The following KMT2D variants were observed in gnomAD, a reference collection of about 807,000 sequenced individuals.
KMT2D encodes the protein lysine methyltransferase 2D, also known as histone-lysine N-methyltransferase 2D.
A neutral mutation model predicts 512.7 loss-of-function variants in KMT2D; 55 were observed. That is an observed-to-expected ratio of 0.11 (90% confidence interval 0.09 to 0.13). KMT2D has a LOEUF of 0.13. Among genes scored for constraint, KMT2D ranks in the 10% least tolerant of loss-of-function variants. The pLI is 1.00. For synonymous variants in KMT2D, 2,995 were observed against 2,904.0 expected, an observed-to-expected ratio of 1.03 and a Z score of -1.01; for missense variants, 6,061 against 7,127.9, an observed-to-expected ratio of 0.85 and a Z score of 5.39.
rs2120681249 is a variant in KMT2D, at chr12:49,052,108, C to T, written c.1575G>A (p.Glu525=). Residue 525 remains glutamate (E), a synonymous_variant, in exon 11 of 55, where the codon GAG becomes GAA. Coordinates refer to ENST00000301067, the MANE Select transcript of KMT2D (RefSeq NM_003482.4). ...TCTCAAGTGCAGGAGATGGGGGTGACTCTTCCGGTGGAGACAAGGGCGACT... is the reference window on the plus strand; with the variant it reads ...TCTCAAGTGCAGGAGATGGGGGTGATTCTTCCGGTGGAGACAAGGGCGACT... ...LEESPLSPPE[E]SPPSPALETP... is the part of the protein sequence containing the mutation. 2.5e-6 allele frequency: 4 copies of T among 1,612,554 alleles called. No individual in the cohort carries two copies. The highest frequency in any genetic ancestry group is 1.1e-5 in the South Asian group (1 of 91,016).
chr12:49,052,829 C>G, intron 9 of KMT2D, 86 bp downstream of exon 9: 5 of 1,592,048 alleles, frequency 3.1e-6, no homozygotes, highest in Non-Finnish European at 8.6e-7. Flanking sequence ...GCTCTCCTCT[C>G]AAAGTCCACT....
chr12:49,049,647 C>T (rs1328891305), intron 12 of KMT2D, 35 bp downstream of exon 12: 3 of 1,539,140 alleles, frequency 1.9e-6, no homozygotes, highest in Middle Eastern at 2.0e-4. Context: ...AGTGGGCTAA[C>T]TCTAATCACA....
At chr12:49,025,058 A>T in intron 49 of KMT2D, 112 bp from the exon 50 acceptor site, 1 of 1,239,470 alleles carries the variant, frequency 8.1e-7, no homozygotes, top group Non-Finnish European at 1.1e-6. Context: ...CCTCCCTATC[A>T]TGAAGTTGTG....
At position 49,020,470 on chromosome 12, in the gene KMT2D, T is replaced by C. The variant is rs1942263535; in HGVS notation, c.*1310A>G. The C allele has an allele frequency of 1.0e-5, 2 of 194,574 alleles. No individual in the cohort carries two copies. The highest frequency in any genetic ancestry group is 1.6e-4 in the East Asian group (2 of 12,766). The allele number at this position is 194,574 out of a possible 1,614,324, so 12.1% of individuals were successfully genotyped here. A position where few individuals can be genotyped will look rare whatever the true frequency, so the allele number is the denominator to read the frequency against. On this transcript the variant is annotated 3_prime_UTR_variant, in exon 55 of 55. Coordinates refer to ENST00000301067, the MANE Select transcript of KMT2D (RefSeq NM_003482.4). ...GCACAAAAATTAGTAGTTTTACATT[T>C]GCTCTCCCCGGGGGGTGGGGGGAGA... is the stretch of plus-strand genomic sequence containing the variant.
In KMT2D at chr12:49,043,922, C is replaced by A. The variant is rs866369324; in HGVS notation, c.5265G>T (p.Gln1755His). 2 of 1,613,976 alleles carry A rather than the reference C, an allele frequency of 1.2e-6. No individual in the cohort carries two copies. Among genetic ancestry groups the A allele is most frequent in the African/African-American group, 2.7e-5 (2 of 74,952 alleles). The change falls in exon 23 of 55, where the codon CAG becomes CAT. Residue 1755 changes from glutamine to histidine, a missense_variant. Around this residue, in one of 16 missense-constraint regions of KMT2D, gnomAD observed 640 missense variants for 814.3 expected, o/e 0.79. Transcript: ENST00000301067. ...GTTTGCTCTTCTTGCGCCCTCGCCG[C>A]TGTTGCTTCTTCTTCTCATCCCCTT... ...LAEGDEKKKQ[Q>H]RRGRKKSKLE...
chr12:49,040,448 G>C lies in KMT2D; in HGVS notation c.7322C>G (p.Thr2441Ser), dbSNP rs1279112810. 5 of 1,562,314 alleles carry C rather than the reference G, an allele frequency of 3.2e-6. No individual in the cohort carries two copies. The South Asian group carries it at 3.6e-5, about 11-fold the overall frequency. ...SAEAFCPSPV[T>S]PRFQSPDPYS... ...AGGGTCAGGGGACTGGAAGCGAGGG[G>C]TAACGGGTGATGGGCAAAAAGCTTC... Residue 2441 changes from threonine to serine, a missense_variant, in exon 32 of 55, where the codon ACC becomes AGC. By Grantham distance (58) the Thr-to-Ser change is moderately conservative (BLOSUM62 1). This residue lies in a region of KMT2D where 710 missense variants were observed against 647.3 expected (regional missense o/e 1.10). Coordinates refer to ENST00000301067, the MANE Select transcript of KMT2D (RefSeq NM_003482.4).
At position 49,041,243 on chromosome 12, in the gene KMT2D, G is replaced by A. The variant is rs2120543851; in HGVS notation, c.6527C>T (p.Pro2176Leu). ...GGGATAGGCAGGGGCCAGTCCAAAG[G>A]GGTCCTGCGAAGGCACTTGGGCGGG... ...QVPAQVPSQD[P>L]FGLAPAYPLE... Residue 2176 changes from proline (P) to leucine (L), a missense_variant, in exon 32 of 55, where the codon CCC becomes CTC. Pro to Leu is a moderately conservative substitution (Grantham distance 98). Transcript: ENST00000301067. The surrounding 1 kb of genome is among the most constrained non-coding windows in gnomAD (Gnocchi z 5.4). 3 of 1,516,678 alleles carry A rather than the reference G, an allele frequency of 2.0e-6. No individual in the cohort carries two copies. Among genetic ancestry groups the A allele is most frequent in the East Asian group, 2.3e-5 (1 of 43,772 alleles). The allele number at this position is 1,516,678 out of a possible 1,614,324, so 94.0% of individuals were successfully genotyped here.
At chr12:49,058,841 A>G (rs1938566524) in intron 1 of KMT2D, among the ~76,000 whole-genome samples, 1 of 152,168 alleles carries the variant, frequency 6.6e-6, no homozygotes, top group Non-Finnish European at 1.5e-5. Flanking sequence ...CATTTTTTGC[A>G]GCCTACATTC....
In KMT2D at chr12:49,046,248, G is replaced by A. The variant is rs374054000; in HGVS notation, c.4583+12C>T. Reference sequence around the variant, plus strand: ...CAACAGGGCCAAAGTGAGGAGAAAGGGATGTTCTCACCGTTCACAGTGGCG... The same window carrying A: ...CAACAGGGCCAAAGTGAGGAGAAAGAGATGTTCTCACCGTTCACAGTGGCG... On this transcript the variant is annotated intron_variant, in intron 17 of 54. Coordinates refer to ENST00000301067, the MANE Select transcript of KMT2D (RefSeq NM_003482.4). The surrounding 1 kb of genome is among the most constrained non-coding windows in gnomAD (Gnocchi z 4.2). 6.2e-7 allele frequency: 1 copy of A among 1,613,882 alleles called. No homozygotes were observed. The highest frequency in any genetic ancestry group is 2.2e-5 in the East Asian group (1 of 44,880).
chr12:49,045,044 T>C, intron 19 of KMT2D, 79 bp from the exon 20 acceptor site: 1 of 1,366,822 alleles, frequency 7.3e-7, no homozygotes, highest in South Asian at 1.2e-5. Context: ...ACCTATGTCC[T>C]TAGCTGAGAC....
Position 49,032,733 on chromosome 12 carries a change from T to C in KMT2D, c.11972A>G (p.Gln3991Arg). 6.2e-7 allele frequency: 1 copy of C among 1,601,238 alleles called. No individual in the cohort carries two copies. Among genetic ancestry groups the C allele is most frequent in the Non-Finnish European group, 8.5e-7 (1 of 1,173,630 alleles). ...AGGGCCAAGTGCCACTTGCTGCTGC[T>C]GTTGTTGCTGAGGAGACAGTAAAGT... Reference protein sequence around the residue: ...SRTLLSPQQQQQQQVALGPGM... With the variant: ...SRTLLSPQQQRQQQVALGPGM... The change falls in exon 40 of 55, where the codon CAG (glutamine) becomes CGG (arginine). Residue 3991 changes from glutamine to arginine, a missense_variant. Physicochemically the swap from Gln to Arg is conservative, Grantham distance 43 (BLOSUM62 1). This residue lies in a region of KMT2D where 1,600 missense variants were observed against 1,754.9 expected (regional missense o/e 0.91). Transcript: ENST00000301067.
At position 49,039,227 on chromosome 12, in the gene KMT2D, G is replaced by A. The variant is rs2120509559; in HGVS notation, c.8361C>T (p.Asn2787=). The A allele has an allele frequency of 1.9e-6, 3 of 1,613,792 alleles. No individual in the cohort carries two copies. Among genetic ancestry groups the A allele is most frequent in the Non-Finnish European group, 1.7e-6 (2 of 1,179,864 alleles). Residue 2787 remains asparagine, a synonymous_variant, in exon 34 of 55, where the codon AAC becomes AAT. Coordinates refer to ENST00000301067, the MANE Select transcript of KMT2D (RefSeq NM_003482.4). This position sits in a 1 kb window ranked among gnomAD's most constrained non-coding sequence, Gnocchi z 5.0. ...GGAACCTCCTGGAGCCTCACCGGCTGTTCACATCCATAGAGGAAGGCGTGG... is the reference window on the plus strand; with the variant it reads ...GGAACCTCCTGGAGCCTCACCGGCTATTCACATCCATAGAGGAAGGCGTGG... The part of the protein sequence containing the change: ...PPATPSSMDV[N]SRQLVGGSQA...
Position 49,041,141 on chromosome 12 carries a change from G to T in KMT2D, c.6629C>A (p.Pro2210Gln), listed in dbSNP as rs201190869. 4 of 1,525,076 alleles carry T rather than the reference G, an allele frequency of 2.6e-6. No homozygotes were observed. Among genetic ancestry groups the T allele is most frequent in the Non-Finnish European group, 3.5e-6 (4 of 1,140,174 alleles). 94.5% of individuals were successfully genotyped at this position (1,525,076 alleles called of 1,614,324 possible). A position where few individuals can be genotyped will look rare whatever the true frequency, so the allele number is the denominator to read the frequency against. Residue 2210 changes from proline to glutamine, a missense_variant, in exon 32 of 55, where the codon CCG (proline) becomes CAG (glutamine). Physicochemically the swap from Pro to Gln is moderately conservative, Grantham distance 76 (BLOSUM62 -1). Transcript: ENST00000301067. This position sits in a 1 kb window ranked among gnomAD's most constrained non-coding sequence, Gnocchi z 5.4. ...PSPTGAPAQP[P>Q]MLGASSRPGA... is the part of the protein sequence containing the mutation. ...AGGACGAGATGAGGCGCCCAGCATC[G>T]GGGGCTGCGCAGGGGCCCCCGTAGG...
intron 46 of KMT2D, 68 bp from the exon 47 acceptor site, chr12:49,028,209 G>T: frequency 6.3e-7 from 1 of 1,599,392 alleles, no homozygotes; most frequent in Non-Finnish European, 8.5e-7. Context: ...TCTACTACCA[G>T]CTGGGTGGGG....
In KMT2D at chr12:49,044,208, G is replaced by A. The variant is rs764725114; in HGVS notation, c.5180C>T (p.Pro1727Leu). 6.8e-6 allele frequency: 11 copies of A among 1,611,520 alleles called. No individual in the cohort carries two copies. The highest frequency in any genetic ancestry group is 9.3e-6 in the Non-Finnish European group (11 of 1,179,652). Residue 1727 changes from proline to leucine, a missense_variant, in exon 22 of 55, where the codon CCC (proline) becomes CTC (leucine). Pro to Leu is a moderately conservative substitution (Grantham distance 98). This residue lies in a region of KMT2D where 640 missense variants were observed against 814.3 expected (regional missense o/e 0.79). Transcript: ENST00000301067. The surrounding 1 kb of genome is among the most constrained non-coding windows in gnomAD (Gnocchi z 6.4). Reference sequence around the variant, plus strand: ...GCCCTCACCCGTCTCACCCTCGTCGGGCTGCCCATCCCCACTCAACACCTC... The same window carrying A: ...GCCCTCACCCGTCTCACCCTCGTCGAGCTGCCCATCCCCACTCAACACCTC... ...QAEVLSGDGQ[P>L]DEVIPADLPA...
chr12:49,034,903 C>T lies in KMT2D; in HGVS notation c.10264G>A (p.Asp3422Asn). 1 of 1,613,978 alleles carries T rather than the reference C, an allele frequency of 6.2e-7. No individual in the cohort carries two copies. The highest frequency in any genetic ancestry group is 8.5e-7 in the Non-Finnish European group (1 of 1,179,894). ...ACCATCTTGGCCTTTGCAATGGGATCAATGATATCTTCTGCAGCAAATTTG... is the reference window on the plus strand; with the variant it reads ...ACCATCTTGGCCTTTGCAATGGGATTAATGATATCTTCTGCAGCAAATTTG... ...LDKFAAEDII[D>N]PIAKAKMVAL... Residue 3422 changes from aspartate to asparagine, a missense_variant, in exon 36 of 55, where the codon GAT becomes AAT. Asp to Asn is a conservative substitution (Grantham distance 23, BLOSUM62 1). This residue lies in a region of KMT2D where 533 missense variants were observed against 539.6 expected (regional missense o/e 0.99). Coordinates refer to ENST00000301067, the MANE Select transcript of KMT2D (RefSeq NM_003482.4).
At position 49,037,374 on chromosome 12, in the gene KMT2D, G is replaced by C. The variant is rs1214968358; in HGVS notation, c.9982C>G (p.Pro3328Ala). 6.2e-7 allele frequency: 1 copy of C among 1,610,186 alleles called. No individual in the cohort carries two copies. The highest frequency in any genetic ancestry group is 8.5e-7 in the Non-Finnish European group (1 of 1,178,534). The change falls in exon 35 of 55, where the codon CCA becomes GCA. Residue 3328 changes from proline (P) to alanine (A), a missense_variant. Pro to Ala is a conservative substitution (Grantham distance 27). Coordinates refer to ENST00000301067, the MANE Select transcript of KMT2D (RefSeq NM_003482.4). Reference sequence around the variant, plus strand: ...GCTGGTGGCTGGGTGGGCATCAGTGGCTGGGGCAAACCTGGCTGTCGGGCA... The same window carrying C: ...GCTGGTGGCTGGGTGGGCATCAGTGCCTGGGGCAAACCTGGCTGTCGGGCA... ...AGARQPGLPQ[P>A]LMPTQPPAHA...
chr12:49,026,464 T>C lies in KMT2D; in HGVS notation c.15502A>G (p.Ile5168Val), dbSNP rs765387254. Residue 5168 changes from isoleucine to valine, a missense_variant, in exon 49 of 55, where the codon ATC becomes GTC. Transcript: ENST00000301067. The surrounding 1 kb of genome is among the most constrained non-coding windows in gnomAD (Gnocchi z 9.6). ...ERDEVKQIAS[I>V]IQRGERLHMF... is the part of the protein sequence containing the mutation. ...TGCAGCCGTTCTCCCCGCTGAATGA[T>C]GCTAGCGATTTGCTTCACCTCGTCC... The C allele has an allele frequency of 5.6e-6, 9 of 1,613,842 alleles. No homozygotes were observed. Among genetic ancestry groups the C allele is most frequent in the Non-Finnish European group, 7.6e-6 (9 of 1,179,894 alleles).
Position 49,040,539 on chromosome 12 carries a change from C to G in KMT2D, c.7231G>C (p.Val2411Leu), listed in dbSNP as rs1943460789. 6.2e-7 allele frequency: 1 copy of G among 1,605,780 alleles called. No individual in the cohort carries two copies. Among genetic ancestry groups the G allele is most frequent in the African/African-American group, 1.3e-5 (1 of 74,710 alleles). Residue 2411 changes from valine to leucine, a missense_variant, in exon 32 of 55, where the codon GTG becomes CTG. Around this residue, in one of 16 missense-constraint regions of KMT2D, gnomAD observed 710 missense variants for 647.3 expected, o/e 1.10. Transcript: ENST00000301067. ...RSLPSDPFSR[V>L]PASPQSQSSS... is the part of the protein sequence containing the mutation. ...GACTGGGACTGAGGACTGGCAGGCA[C>G]TCGGGAGAAAGGGTCGGAGGGCAGT...
Sources: gnomAD v4.1 joint callset for allele counts (sites outside exome capture counted in the v4.1 genomes callset) on GRCh38, gnomAD v4.1.1 for gene constraint, gnomAD v4.1.1 regional missense constraint, Gnocchi (gnomAD v3.1) non-coding constraint, MANE v1.5 for transcripts, NCBI Gene and HGNC (gene_info 2026-07-23, HGNC 2026-07-21) for gene names.